AUTS2: variants seen among roughly 807,000 people sequenced by gnomAD.
The protein encoded by AUTS2 is activator of transcription and developmental regulator AUTS2.
A neutral mutation model predicts 112.4 loss-of-function variants in AUTS2; 17 were observed. The ratio of observed to expected loss-of-function variants is 0.15; its 90% CI spans 0.10 to 0.23. The LOEUF (loss-of-function observed/expected upper bound fraction) is 0.23. Among genes scored for constraint, AUTS2 ranks in the 10% least tolerant of loss-of-function variants. The pLI is 1.00. For synonymous variants in AUTS2, 751 were observed against 702.7 expected (o/e 1.07, Z -1.09); for missense variants, 1,510 against 1,701.6 (o/e 0.89, Z 1.98).
At chr7:70,717,869 T>A (rs1230066075) in intron 6 of AUTS2, among the ~76,000 whole-genome samples, 2 of 152,152 alleles carry the variant, frequency 1.3e-5, no homozygotes. Flanking sequence ...TTTAAAGGCA[T>A]CCTCACCACT....
intron 1 of AUTS2, among the ~76,000 whole-genome samples, chr7:69,827,015 T>C (rs1231747261): frequency 6.6e-6 from 1 of 152,174 alleles, no homozygotes; most frequent in East Asian, 1.9e-4. Context: ...CATTTGGCTA[T>C]TGAGCTTTCT....
chr7:70,367,759 A>T (rs996575573), intron 4 of AUTS2, among the ~76,000 whole-genome samples: 9 of 152,184 alleles, frequency 5.9e-5, no homozygotes, highest in African/African-American at 2.2e-4. Flanking sequence ...GCAAATAGCA[A>T]TATCTGATAC....
chr7:69,633,462 C>T (rs751321917), intron 1 of AUTS2, among the ~76,000 whole-genome samples: 2 of 152,084 alleles, frequency 1.3e-5, no homozygotes, highest in Non-Finnish European at 2.9e-5. Flanking sequence ...GGTAAATGCC[C>T]AGAAGAGAGA....
At chr7:70,405,598 A>G (rs1389313890) in intron 4 of AUTS2, among the ~76,000 whole-genome samples, 1 of 152,206 alleles carries the variant, frequency 6.6e-6, no homozygotes, top group Non-Finnish European at 1.5e-5. Context: ...ATTCATTCAA[A>G]TACTCGATAA....
At chr7:70,358,537 C>G (rs1001645936) in intron 4 of AUTS2, among the ~76,000 whole-genome samples, 3 of 152,242 alleles carry the variant, frequency 2.0e-5, no homozygotes, top group African/African-American at 7.2e-5. Context: ...GTACCAACAG[C>G]ATGGCCTGCC....
intron 1 of AUTS2, among the ~76,000 whole-genome samples, chr7:69,825,015 A>C (rs1791177756): frequency 6.6e-6 from 1 of 152,184 alleles, no homozygotes; most frequent in Non-Finnish European, 1.5e-5. Context: ...TAGTAACTTA[A>C]AATCAAGAAA....
intron 1 of AUTS2, among the ~76,000 whole-genome samples, chr7:69,761,119 A>T (rs966460533): frequency 1.3e-5 from 2 of 152,180 alleles, no homozygotes; most frequent in Non-Finnish European, 2.9e-5. Flanking sequence ...GACCAAAAAA[A>T]TCTATAACTT....
intron 6 of AUTS2, among the ~76,000 whole-genome samples, chr7:70,745,512 C>T (rs1454406868): frequency 1.3e-5 from 2 of 152,124 alleles, no homozygotes; most frequent in Non-Finnish European, 2.9e-5. Flanking sequence ...TAACAATTCC[C>T]AGGGTAGCAG....
chr7:70,440,009 T>G lies in AUTS2; in HGVS notation c.690+4228T>G, dbSNP rs538160990. ...TCTGACTCTGTCCATTTCTATTTTG[T>G]TGTGGACAAGCCTTGGCTTTCTCAG... On this transcript the variant is annotated intron_variant, in intron 5 of 18. Coordinates refer to ENST00000342771, the MANE Select transcript of AUTS2 (RefSeq NM_015570.4). Among the ~76,000 whole-genome samples, 44 of 152,244 alleles carry G rather than the reference T, an allele frequency of 2.9e-4. 1 individual carries two copies. The South Asian group carries it at 9.1e-3, about 32-fold the overall frequency.
intron 4 of AUTS2, among the ~76,000 whole-genome samples, chr7:70,196,562 A>G (rs1341558086): frequency 6.6e-6 from 1 of 152,266 alleles, no homozygotes; most frequent in African/African-American, 2.4e-5. Context: ...ATATGGTTGC[A>G]GCAACTGAAT....
chr7:70,790,832 G>C lies in AUTS2; in HGVS notation c.3616G>C (p.Gly1206Arg), dbSNP rs140485978. ...RISPTAGNQN[G>R]LLNKTPPTAA... ...CAGCCCCACCGCGGGCAACCAGAAC[G>C]GACTCCTCAACAAGACCCCTCCGAC... The change falls in exon 19 of 19, where the codon GGA becomes CGA. Residue 1206 changes from glycine to arginine, a missense_variant. Gly to Arg is a moderately radical substitution (Grantham distance 125). This residue lies in a region of AUTS2 where 788 missense variants were observed against 797.6 expected (regional missense o/e 0.99). Coordinates refer to ENST00000342771, the MANE Select transcript of AUTS2 (RefSeq NM_015570.4). This position sits in a 1 kb window ranked among gnomAD's most constrained non-coding sequence, Gnocchi z 7.6. The C allele has an allele frequency of 6.2e-7, 1 of 1,606,694 alleles. No individual in the cohort carries two copies. Among genetic ancestry groups the C allele is most frequent in the Non-Finnish European group, 8.5e-7 (1 of 1,176,098 alleles).
chr7:70,419,533 G>A (rs1795127422), intron 4 of AUTS2, among the ~76,000 whole-genome samples: 1 of 152,078 alleles, frequency 6.6e-6, no homozygotes. Flanking sequence ...GCTGACAGTA[G>A]CCATATAAAT....
chr7:69,814,596 T>C (rs1423148664), intron 1 of AUTS2, among the ~76,000 whole-genome samples: 1 of 152,256 alleles, frequency 6.6e-6, no homozygotes, highest in Non-Finnish European at 1.5e-5. Flanking sequence ...TAACCCAGTG[T>C]ACTGAATAGG....
At chr7:70,185,695 T>A (rs1216327917) in intron 4 of AUTS2, among the ~76,000 whole-genome samples, 1 of 152,236 alleles carries the variant, frequency 6.6e-6, no homozygotes, top group Non-Finnish European at 1.5e-5. Flanking sequence ...TTCAGAAGCA[T>A]TAATAACCTA....
At chr7:70,337,478 A>G (rs939983885) in intron 4 of AUTS2, among the ~76,000 whole-genome samples, 1 of 152,216 alleles carries the variant, frequency 6.6e-6, no homozygotes, top group Admixed American at 6.5e-5. Context: ...GTTCTGGAAT[A>G]TTACTTTATG....
At chr7:70,174,638 T>G (rs1279056348) in intron 4 of AUTS2, among the ~76,000 whole-genome samples, 1 of 152,188 alleles carries the variant, frequency 6.6e-6, no homozygotes, top group East Asian at 1.9e-4. Flanking sequence ...GTTGAAACCA[T>G]TGCTTATTTT....
chr7:69,622,606 T>C (rs1352767420), intron 1 of AUTS2, among the ~76,000 whole-genome samples: 1 of 152,184 alleles, frequency 6.6e-6, no homozygotes, highest in African/African-American at 2.4e-5. Context: ...AAACACATGT[T>C]CAGATTTTAC....
intron 2 of AUTS2, among the ~76,000 whole-genome samples, chr7:69,944,545 A>T (rs2129545304): frequency 6.6e-6 from 1 of 152,286 alleles, no homozygotes; most frequent in Middle Eastern, 3.4e-3. Flanking sequence ...TTTGAATTTC[A>T]CTATAGTAAC....
chr7:70,245,144 G>GTATATATATATATATATATATA (rs71077638), intron 4 of AUTS2, among the ~76,000 whole-genome samples: 13 of 108,956 alleles, frequency 1.2e-4, no homozygotes, highest in African/African-American at 4.6e-4. Flanking sequence ...GTGTGTGTGT[G>GTATATATATATATATATATATA]TATATATATA....
Sources: allele counts gnomAD v4.1 joint callset (sites outside exome capture counted in the v4.1 genomes callset), GRCh38; gene constraint gnomAD v4.1.1; regional missense constraint gnomAD v4.1.1; non-coding constraint Gnocchi (gnomAD v3.1); transcripts MANE v1.5; gene names NCBI Gene and HGNC (gene_info 2026-07-23, HGNC 2026-07-21).